Variants in NBAS observed in about 807,000 individuals in gnomAD.
NBAS encodes the protein NBAS subunit of NRZ tethering complex.
NBAS carries 219 observed loss-of-function variants against 302.5 expected under a neutral mutation model. The ratio of observed to expected loss-of-function variants is 0.72; its 90% confidence interval spans 0.65 to 0.81. The LOEUF (loss-of-function observed/expected upper bound fraction) is 0.81, where lower values mean the gene tolerates loss of function less well. NBAS is among the 30% of genes least tolerant of loss of function. The pLI is 0.00. For missense variants in NBAS, 2,932 were observed against 2,841.6 expected (o/e 1.03, Z -0.72); for synonymous variants, 1,118 against 1,021.6 (o/e 1.09, Z -1.80).
the NBAS span, among the ~76,000 whole-genome samples, chr2:14,928,074 T>C: frequency 1.3e-5 from 2 of 152,258 alleles, no homozygotes; most frequent in African/African-American, 4.8e-5. Context: ...CAAGATTTGT[T>C]AGCTTTGCTA....
At chr2:14,926,283 C>T in the NBAS span, among the ~76,000 whole-genome samples, 1 of 152,172 alleles carries the variant, frequency 6.6e-6, no homozygotes, top group African/African-American at 2.4e-5. Flanking sequence ...CCACACCTCC[C>T]CTTCTATCAC....
At chr2:15,112,786 C>T in the NBAS span, among the ~76,000 whole-genome samples, 431 of 15,208 alleles carry the variant, frequency 0.028, 3 homozygotes, top group African/African-American at 0.091. Context: ...AGACTGAAGA[C>T]AAACTTACTT....
chr2:15,430,831 G>A (rs151036857), intron 21 of NBAS, among the ~76,000 whole-genome samples: 165 of 152,004 alleles, frequency 1.1e-3, no homozygotes, highest in African/African-American at 3.9e-3. Flanking sequence ...TTTTGAGATG[G>A]AGTCTCGCTC....
chr2:15,041,794 C>T, the NBAS span, among the ~76,000 whole-genome samples: 1 of 152,234 alleles, frequency 6.6e-6, no homozygotes, highest in Non-Finnish European at 1.5e-5. Flanking sequence ...CTGTGAGAAA[C>T]GTTAGCCACC....
chr2:15,124,102 G>A, the NBAS span, among the ~76,000 whole-genome samples: 2 of 152,354 alleles, frequency 1.3e-5, no homozygotes, highest in Admixed American at 1.3e-4. Flanking sequence ...AAGCTATTGG[G>A]AACTGGAGGG....
At position 15,308,251 on chromosome 2, in the gene NBAS, G is replaced by C. The variant is rs773987260; in HGVS notation, c.4762C>G (p.Pro1588Ala). The change falls in exon 40 of 52, where the codon CCA becomes GCA. Residue 1588 changes from proline to alanine, a missense_variant. Physicochemically the swap from Pro to Ala is conservative, Grantham distance 27 (BLOSUM62 -1). Transcript: ENST00000281513. ...YSLQIYARLA[P>A]CFRDKCHPLY... Reference sequence around the variant, plus strand: ...GGATGGCACTTGTCCCTGAAACATGGGGCCAATCGGGCATAGATCTGGAGG... The same window carrying C: ...GGATGGCACTTGTCCCTGAAACATGCGGCCAATCGGGCATAGATCTGGAGG... The C allele has an allele frequency of 6.2e-7, 1 of 1,614,166 alleles. No homozygotes were observed. The highest frequency in any genetic ancestry group is 8.5e-7 in the Non-Finnish European group (1 of 1,180,018).
At chr2:14,903,052 C>A in the NBAS span, among the ~76,000 whole-genome samples, 1 of 151,444 alleles carries the variant, frequency 6.6e-6, no homozygotes, top group Admixed American at 6.6e-5. Context: ...TGGCAAGAAG[C>A]TTTGATGAAT....
chr2:15,249,964 T>A (rs1668285504), intron 44 of NBAS, among the ~76,000 whole-genome samples: 2 of 152,134 alleles, frequency 1.3e-5, no homozygotes. Flanking sequence ...AAAAACTACT[T>A]TAAATTTCAT....
At chr2:15,056,412 ACT>A in the NBAS span, among the ~76,000 whole-genome samples, 1 of 152,216 alleles carries the variant, frequency 6.6e-6, no homozygotes, top group East Asian at 1.9e-4. Context: ...AAAGTTTTTT[ACT>A]GCATTTGTAA....
chr2:15,184,280 A>G (rs577223771), intron 50 of NBAS, among the ~76,000 whole-genome samples: 1 of 152,220 alleles, frequency 6.6e-6, no homozygotes, highest in East Asian at 1.9e-4. Flanking sequence ...TGGACTATGG[A>G]ATAGTCCACC....
At chr2:15,077,658 G>A in the NBAS span, among the ~76,000 whole-genome samples, 1 of 151,704 alleles carries the variant, frequency 6.6e-6, no homozygotes, top group African/African-American at 2.4e-5. Flanking sequence ...AACCCAAGAA[G>A]GCTTCTTTCT....
intron 44 of NBAS, among the ~76,000 whole-genome samples, chr2:15,273,704 T>C (rs1460557369): frequency 6.6e-6 from 1 of 152,142 alleles, no homozygotes; most frequent in Non-Finnish European, 1.5e-5. Context: ...TGATAAGTGA[T>C]AGGTTCAGAG....
At chr2:15,551,675 A>T in intron 5 of NBAS, 139 bp from the exon 6 acceptor site, 1 of 613,802 alleles carries the variant, frequency 1.6e-6, no homozygotes. Flanking sequence ...TTGTGGCTCA[A>T]TTATGACCCT....
chr2:14,993,104 T>C, the NBAS span, among the ~76,000 whole-genome samples: 1 of 152,208 alleles, frequency 6.6e-6, no homozygotes, highest in Non-Finnish European at 1.5e-5. Context: ...TGACCATTTA[T>C]TGAGCGTCTC....
At chr2:15,206,389 CA>C (rs1242786482) in intron 48 of NBAS, among the ~76,000 whole-genome samples, 2 of 149,452 alleles carry the variant, frequency 1.3e-5, no homozygotes, top group Non-Finnish European at 3.0e-5. Context: ...AAACAGAGCA[CA>C]AAAGTTTGGA....
At chr2:15,053,581 G>T in the NBAS span, among the ~76,000 whole-genome samples, 1 of 152,220 alleles carries the variant, frequency 6.6e-6, no homozygotes, top group South Asian at 2.1e-4. Flanking sequence ...AAACTTCTCA[G>T]ATAAAACTCT....
the NBAS span, among the ~76,000 whole-genome samples, chr2:15,098,856 A>G: frequency 1.3e-5 from 2 of 151,140 alleles, no homozygotes; most frequent in South Asian, 2.1e-4. Flanking sequence ...GCTCTCGTAT[A>G]AAAAAACAGA....
At chr2:15,067,358 G>GA in the NBAS span, among the ~76,000 whole-genome samples, 52,055 of 101,016 alleles carry the variant, frequency 0.52, 17,184 homozygotes, top group Non-Finnish European at 0.64. Flanking sequence ...AAAAGAAAAG[G>GA]AAAAAAGAAA....
chr2:15,415,432 T>C, intron 25 of NBAS, 114 bp downstream of exon 25: 1 of 951,432 alleles, frequency 1.1e-6, no homozygotes, highest in Non-Finnish European at 1.6e-6. Flanking sequence ...AATCATTTGT[T>C]TTTCTGTTTA....
Sources: gnomAD v4.1 joint callset for allele counts (sites outside exome capture counted in the v4.1 genomes callset) on GRCh38, gnomAD v4.1.1 for gene constraint, MANE v1.5 for transcripts, NCBI Gene and HGNC (gene_info 2026-07-23, HGNC 2026-07-21) for gene names.